The following ISG20 variants were observed in gnomAD, a reference collection of about 807,000 sequenced individuals.
The protein encoded by ISG20 is interferon stimulated exonuclease gene 20, also known as interferon-stimulated gene 20 kDa protein.
A neutral mutation model predicts 11.1 loss-of-function variants in ISG20; 8 were observed. That is an observed-to-expected ratio of 0.72 (90% CI 0.42 to 1.30). The LOEUF (loss-of-function observed/expected upper bound fraction) is 1.30, where lower values mean the gene tolerates loss of function less well. Among genes scored for constraint, ISG20 ranks in the 50% most tolerant of loss-of-function variants. ISG20 has a pLI of 0.01. For synonymous variants in ISG20, 110 were observed against 101.7 expected (o/e 1.08, Z -0.49); for missense variants, 243 against 250.2 (o/e 0.97, Z 0.19).
chr15:88,650,525 A>C lies in ISG20; in HGVS notation c.229-1585A>C, dbSNP rs1480268633. 28 of 1,269,694 alleles carry C rather than the reference A, an allele frequency of 2.2e-5. No homozygotes were observed. The highest frequency in any genetic ancestry group is 2.1e-6 in the Non-Finnish European group (2 of 960,454). 78.7% of individuals were successfully genotyped at this position (1,269,694 alleles called of 1,614,324 possible). ...TATCAAATGGTGCTTGGCAAATCAC[A>C]CCAAAACTTACCGGTTCAAACAATG... On this transcript the variant is annotated intron_variant, in intron 2 of 3. Coordinates refer to ENST00000306072, the MANE Select transcript of ISG20 (RefSeq NM_002201.6). This position sits in a 1 kb window ranked among gnomAD's most constrained non-coding sequence, Gnocchi z 4.0.
At chr15:88,642,835 C>T (rs2058105614) in intron 2 of ISG20, among the ~76,000 whole-genome samples, 1 of 152,080 alleles carries the variant, frequency 6.6e-6, no homozygotes, top group South Asian at 2.1e-4. Context: ...AGGCTGGTCT[C>T]GAATGCCTCA....
chr15:88,644,655 G>C (rs979007239), intron 2 of ISG20, among the ~76,000 whole-genome samples: 1 of 152,002 alleles, frequency 6.6e-6, no homozygotes, highest in Non-Finnish European at 1.5e-5. Context: ...AGGAAAGGAA[G>C]AAAACGTTTG....
In ISG20 at chr15:88,655,427, G is replaced by A. The variant is rs2058358722; in HGVS notation, c.442G>A (p.Gly148Arg). The change falls in exon 4 of 4, where the codon GGA becomes AGA. Residue 148 changes from glycine to arginine, a missense_variant. Gly to Arg is a moderately radical substitution (Grantham distance 125, BLOSUM62 -2). Transcript: ENST00000306072. ...CTTGTGTCTGCAGAACAGCCTGCTT[G>A]GACACAGCTCGGTGGAAGATGCGAG... ...LHKSIQNSLL[G>R]HSSVEDARAT... 1 of 1,614,056 alleles carries A rather than the reference G, an allele frequency of 6.2e-7. No individual in the cohort carries two copies. Among genetic ancestry groups the A allele is most frequent in the Non-Finnish European group, 8.5e-7 (1 of 1,179,964 alleles).
upstream of ISG20, among the ~76,000 whole-genome samples, chr15:88,636,845 TAGAG>T (rs538488078): frequency 6.2e-4 from 95 of 152,194 alleles, no homozygotes; most frequent in African/African-American, 9.2e-4. Flanking sequence ...CGGTTTTAAA[TAGAG>T]AGGTCAGGGA....
chr15:88,636,137 G>T (rs1431585181), upstream of ISG20: 1 of 152,270 alleles, frequency 6.6e-6, no homozygotes, highest in African/African-American at 2.4e-5. Flanking sequence ...CCACAGAGTG[G>T]CCGACTTGTA....
chr15:88,651,261 C>T (rs906591159), intron 2 of ISG20: 86 of 985,410 alleles, frequency 8.7e-5, no homozygotes, highest in South Asian at 1.9e-4. Context: ...CTTTGTAAAA[C>T]TCAGTTAAAT....
Position 88,639,049 on chromosome 15 carries a change from C to G in ISG20, c.-52C>G, listed in dbSNP as rs1211108055. On this transcript the variant is annotated 5_prime_UTR_variant, in exon 1 of 4. Coordinates refer to ENST00000306072, the MANE Select transcript of ISG20 (RefSeq NM_002201.6). The surrounding 1 kb of genome is among the most constrained non-coding windows in gnomAD (Gnocchi z 4.2). ...TGAGCAGTGGCAGCAGAGAGGCAGA[C>G]GTGAGCTGAGGGCGCAGAGGCAGGC... 5 of 466,864 alleles carry G rather than the reference C, an allele frequency of 1.1e-5. No homozygotes were observed. Among genetic ancestry groups the G allele is most frequent in the Non-Finnish European group, 1.9e-5 (5 of 259,292 alleles). The allele number at this position is 466,864 out of a possible 1,614,324, so 28.9% of individuals were successfully genotyped here.
Position 88,639,374 on chromosome 15 carries a change from G to T in ISG20, c.8G>T (p.Gly3Val), listed in dbSNP as rs1166466009. ...TGAGGGTCCCCAAGGAACATGGCTG[G>T]GAGCCGTGAGGTGGTGGCCATGGAC... Reference protein sequence around the residue: MAGSREVVAMDCE... With the variant: MAVSREVVAMDCE... The change falls in exon 2 of 4, where the codon GGG becomes GTG. Residue 3 changes from glycine to valine, a missense_variant. Coordinates refer to ENST00000306072, the MANE Select transcript of ISG20 (RefSeq NM_002201.6). The surrounding 1 kb of genome is among the most constrained non-coding windows in gnomAD (Gnocchi z 4.2). The T allele has an allele frequency of 1.2e-6, 2 of 1,611,686 alleles. No homozygotes were observed. Among genetic ancestry groups the T allele is most frequent in the South Asian group, 2.2e-5 (2 of 90,956 alleles).
At chr15:88,642,016 C>G (rs138229189) in intron 2 of ISG20, among the ~76,000 whole-genome samples, 11,537 of 146,850 alleles carry the variant, frequency 0.079, 614 homozygotes, top group Middle Eastern at 0.12. Context: ...TCACTGCAAT[C>G]TCCACCTCTT....
chr15:88,635,721 C>G (rs1194257362), upstream of ISG20, among the ~76,000 whole-genome samples: 6 of 151,978 alleles, frequency 3.9e-5, no homozygotes, highest in African/African-American at 1.5e-4. Context: ...TTAAGTTTTA[C>G]CTTTTAATAA....
intron 2 of ISG20, chr15:88,647,898 C>CT (rs1309662610): frequency 1.3e-5 from 2 of 152,194 alleles, no homozygotes; most frequent in East Asian, 3.9e-4. Flanking sequence ...CCTGGTAGCC[C>CT]TTGCACAGGT....
intron 2 of ISG20, among the ~76,000 whole-genome samples, chr15:88,646,278 C>T (rs927150620): frequency 6.6e-5 from 10 of 152,160 alleles, no homozygotes; most frequent in African/African-American, 2.2e-4. Flanking sequence ...TTTCATACTC[C>T]CCACCACAAC....
upstream of ISG20, among the ~76,000 whole-genome samples, chr15:88,638,332 C>T (rs922712602): frequency 3.9e-5 from 6 of 152,252 alleles, no homozygotes; most frequent in African/African-American, 1.4e-4. Context: ...AGGCACTGTT[C>T]TAAGAGCTCA....
intron 2 of ISG20, chr15:88,647,775 C>T (rs1035272886): frequency 6.6e-6 from 1 of 152,180 alleles, no homozygotes; most frequent in African/African-American, 2.4e-5. Context: ...TAACGTCAAC[C>T]CAGCATAAGG....
At chr15:88,655,263 C>T in intron 3 of ISG20, 152 bp from the exon 4 acceptor site, 1 of 687,404 alleles carries the variant, frequency 1.5e-6, no homozygotes, top group Non-Finnish European at 2.5e-6. Context: ...TGCTGAGTCT[C>T]CTAAGTCCAG....
chr15:88,653,053 G>A (rs1215202829), intron 3 of ISG20, among the ~76,000 whole-genome samples: 2 of 152,066 alleles, frequency 1.3e-5, no homozygotes, highest in Non-Finnish European at 2.9e-5. Context: ...AGGGCAGAGG[G>A]AGAGGCGCCA....
At position 88,655,441 on chromosome 15, in the gene ISG20, G is replaced by T. The variant is rs2058358861; in HGVS notation, c.456G>T (p.Val152=). 1 of 1,613,972 alleles carries T rather than the reference G, an allele frequency of 6.2e-7. No homozygotes were observed. The highest frequency in any genetic ancestry group is 1.3e-5 in the African/African-American group (1 of 74,932). The stretch of plus-strand genomic sequence containing the variant: ...ACAGCCTGCTTGGACACAGCTCGGT[G>T]GAAGATGCGAGGGCAACGATGGAGC... The part of the protein sequence containing the change: ...IQNSLLGHSS[V]EDARATMELY... Residue 152 remains valine, a synonymous_variant, in exon 4 of 4, where the codon GTG becomes GTT. Coordinates refer to ENST00000306072, the MANE Select transcript of ISG20 (RefSeq NM_002201.6).
At chr15:88,652,941 C>T (rs2058311658) in intron 3 of ISG20, among the ~76,000 whole-genome samples, 1 of 151,902 alleles carries the variant, frequency 6.6e-6, no homozygotes, top group African/African-American at 2.4e-5. Context: ...CCACCAGCTG[C>T]TGCTGCTCCT....
chr15:88,648,573 T>C (rs1235422134), intron 2 of ISG20: 2 of 152,290 alleles, frequency 1.3e-5, no homozygotes, highest in Non-Finnish European at 2.9e-5. Flanking sequence ...ACCGTTATCA[T>C]TGTGTGCCTG....
Sources: allele counts gnomAD v4.1 joint callset (sites outside exome capture counted in the v4.1 genomes callset), GRCh38; gene constraint gnomAD v4.1.1; non-coding constraint Gnocchi (gnomAD v3.1); transcripts MANE v1.5; gene names NCBI Gene and HGNC (gene_info 2026-07-23, HGNC 2026-07-21).